RBFOX3: variants seen among roughly 807,000 people sequenced by gnomAD.
The protein encoded by RBFOX3 is RNA binding protein fox-1 homolog 3.
RBFOX3 carries 17 observed loss-of-function variants against 48.7 expected under a neutral mutation model. That is an observed-to-expected ratio of 0.35 (90% CI 0.24 to 0.52). RBFOX3 has a LOEUF of 0.52. Ranked by LOEUF, RBFOX3 falls within the 20% of genes least tolerant of loss-of-function variation. RBFOX3 has a pLI of 0.94. For missense variants in RBFOX3, 382 were observed against 497.5 expected (o/e 0.77, Z 2.21); for synonymous variants, 212 against 209.5 (o/e 1.01, Z -0.10).
chr17:79,655,206 C>T, the RBFOX3 span, among the ~76,000 whole-genome samples: 1,597 of 152,188 alleles, frequency 0.01, 32 homozygotes, highest in African/African-American at 0.037. Flanking sequence ...CGGACCAGCA[C>T]GAAGAGGGCA....
At position 79,220,661 on chromosome 17, in the gene RBFOX3, C is replaced by T. The variant is rs561197969; in HGVS notation, c.-34+15105G>A. ...CCAGCCTAGCAGATCTCACGGATACCGGAATGGGGAGGACACTTTACTGAA... is the reference window on the plus strand; with the variant it reads ...CCAGCCTAGCAGATCTCACGGATACTGGAATGGGGAGGACACTTTACTGAA... On this transcript the variant is annotated intron_variant, in intron 4 of 14. Transcript: ENST00000693108. This position sits in a 1 kb window ranked among gnomAD's most constrained non-coding sequence, Gnocchi z 5.9. 1.3e-5 allele frequency among the ~76,000 whole-genome samples: 2 copies of T among 152,048 alleles called. No individual in the cohort carries two copies. Among genetic ancestry groups the T allele is most frequent in the South Asian group, 2.1e-4 (1 of 4,800 alleles).
At chr17:79,106,239 G>A (rs1292531331) in intron 6 of RBFOX3, among the ~76,000 whole-genome samples, 2 of 152,146 alleles carry the variant, frequency 1.3e-5, no homozygotes, top group Non-Finnish European at 2.9e-5. Flanking sequence ...GCCCCTCCAG[G>A]TACCCTCTTG....
intron 2 of RBFOX3, among the ~76,000 whole-genome samples, chr17:79,454,099 G>T (rs537124190): frequency 2.0e-5 from 3 of 152,092 alleles, no homozygotes; most frequent in Non-Finnish European, 4.4e-5. Context: ...AGGCAATGCC[G>T]TCTGGAGCCC....
At chr17:79,665,337 G>A in the RBFOX3 span, among the ~76,000 whole-genome samples, 9 of 152,132 alleles carry the variant, frequency 5.9e-5, no homozygotes, top group African/African-American at 2.2e-4. Context: ...TCATTTCACC[G>A]AGATGGGGCC....
At chr17:79,162,482 A>G (rs898317697) in intron 4 of RBFOX3, among the ~76,000 whole-genome samples, 3 of 152,362 alleles carry the variant, frequency 2.0e-5, no homozygotes, top group East Asian at 3.9e-4. Context: ...TGGAGCACAC[A>G]TGCATGGAGC....
At chr17:79,521,431 C>T (rs1255176940) in intron 1 of RBFOX3, among the ~76,000 whole-genome samples, 2 of 151,086 alleles carry the variant, frequency 1.3e-5, no homozygotes, top group African/African-American at 2.5e-5. Flanking sequence ...CTCACACTCT[C>T]ATACACACAT....
At chr17:79,462,898 C>T (rs1555749968) in intron 2 of RBFOX3, among the ~76,000 whole-genome samples, 1 of 152,156 alleles carries the variant, frequency 6.6e-6, no homozygotes, top group Non-Finnish European at 1.5e-5. Context: ...CAGCCCAAGC[C>T]CATTCCAAGG....
At chr17:79,557,181 G>A (rs1032796841) in intron 1 of RBFOX3, among the ~76,000 whole-genome samples, 5 of 144,656 alleles carry the variant, frequency 3.5e-5, no homozygotes, top group Admixed American at 7.2e-5. Flanking sequence ...AGCCGAGGTC[G>A]CACCACTGCA....
chr17:79,568,245 C>T (rs909350967), intron 1 of RBFOX3, among the ~76,000 whole-genome samples: 1 of 152,152 alleles, frequency 6.6e-6, no homozygotes, highest in African/African-American at 2.4e-5. Context: ...AACTCAGTAC[C>T]GATACCACAA....
chr17:79,527,044 C>A (rs1416031561), intron 1 of RBFOX3, among the ~76,000 whole-genome samples: 7 of 152,188 alleles, frequency 4.6e-5, no homozygotes, highest in Non-Finnish European at 1.0e-4. Context: ...TCTGCCCCCA[C>A]CCTGGGCAGC....
chr17:79,605,181 T>G (rs1264992016), intron 1 of RBFOX3, among the ~76,000 whole-genome samples: 3 of 152,192 alleles, frequency 2.0e-5, no homozygotes, highest in Non-Finnish European at 2.9e-5. Context: ...AGGTCCGGGT[T>G]ACCTTTGTTT....
At chr17:79,484,222 C>T (rs1375799936) in intron 1 of RBFOX3, among the ~76,000 whole-genome samples, 1 of 152,152 alleles carries the variant, frequency 6.6e-6, no homozygotes, top group African/African-American at 2.4e-5. Context: ...TGTTTCTTTT[C>T]CTAAAATCCA....
chr17:79,515,545 G>T (rs1568369892), intron 1 of RBFOX3, among the ~76,000 whole-genome samples: 1 of 152,222 alleles, frequency 6.6e-6, no homozygotes, highest in East Asian at 1.9e-4. Flanking sequence ...AATGCTGGCC[G>T]CTGGCAGCAC....
At chr17:79,101,154 C>T (rs1374836711) in intron 9 of RBFOX3, among the ~76,000 whole-genome samples, 1 of 152,176 alleles carries the variant, frequency 6.6e-6, no homozygotes, top group African/African-American at 2.4e-5. Flanking sequence ...ATCCAAGGCC[C>T]CCCGTGCCCT....
intron 2 of RBFOX3, among the ~76,000 whole-genome samples, chr17:79,345,492 G>T (rs1252376610): frequency 6.6e-6 from 1 of 152,130 alleles, no homozygotes; most frequent in East Asian, 1.9e-4. Flanking sequence ...GGATTTGTCA[G>T]GCTTTGAAAG....
intron 3 of RBFOX3, among the ~76,000 whole-genome samples, chr17:79,276,423 C>T (rs934503919): frequency 7.9e-5 from 12 of 152,224 alleles, no homozygotes; most frequent in South Asian, 2.1e-4. Context: ...CGGTGGTTCA[C>T]GCCTATAATC....
chr17:79,405,344 T>A (rs1292915030), intron 2 of RBFOX3, among the ~76,000 whole-genome samples: 2 of 152,196 alleles, frequency 1.3e-5, no homozygotes, highest in Non-Finnish European at 2.9e-5. Context: ...GCTGCAGACG[T>A]GTGTGCACTT....
chr17:79,181,960 GAAACACACACACACAC>G (rs2052045680), intron 4 of RBFOX3, among the ~76,000 whole-genome samples: 1 of 106,156 alleles, frequency 9.4e-6, no homozygotes, highest in Non-Finnish European at 1.9e-5. Context: ...TTGTCTCCAA[GAAACACACACACACAC>G]ACACACACAC....
In RBFOX3 at chr17:79,331,263, C is replaced by T. The variant is rs552189647; in HGVS notation, c.-174-23439G>A. Among the ~76,000 whole-genome samples, 74 of 152,302 alleles carry T rather than the reference C, an allele frequency of 4.9e-4. 1 individual carries two copies. In the South Asian group the frequency reaches 6.8e-3, roughly 14 times the overall value. ...CTCAGCCCAGAAGCATTTCCCCTGC[C>T]GTTTGCCTTTCCTCTTCATTCTCAC... On this transcript the variant is annotated intron_variant, in intron 2 of 14. Coordinates refer to ENST00000693108, the MANE Select transcript of RBFOX3 (RefSeq NM_001350451.2).
Sources: gnomAD v4.1 joint callset for allele counts (sites outside exome capture counted in the v4.1 genomes callset) on GRCh38, gnomAD v4.1.1 for gene constraint, Gnocchi (gnomAD v3.1) non-coding constraint, MANE v1.5 for transcripts, NCBI Gene and HGNC (gene_info 2026-07-23, HGNC 2026-07-21) for gene names.